CNTNAP2: variants seen among roughly 807,000 people sequenced by gnomAD.
CNTNAP2 encodes contactin-associated protein-like 2.
CNTNAP2 carries 98 observed loss-of-function variants against 155.2 expected under a neutral mutation model. The observed-to-expected ratio is 0.63, with a 90% confidence interval of 0.54 to 0.75. The LOEUF (loss-of-function observed/expected upper bound fraction) is 0.75. Among genes scored for constraint, CNTNAP2 ranks in the 30% least tolerant of loss-of-function variants. The pLI, the probability that CNTNAP2 is intolerant of heterozygous loss-of-function variation, is 0.00. For missense variants in CNTNAP2, 1,727 were observed against 1,688.1 expected (o/e 1.02, Z -0.40); for synonymous variants, 651 against 631.2 (o/e 1.03, Z -0.47).
chr7:147,383,714 C>A (rs2059089689), intron 9 of CNTNAP2, among the ~76,000 whole-genome samples: 1 of 152,056 alleles, frequency 6.6e-6, no homozygotes, highest in Non-Finnish European at 1.5e-5. Context: ...TGCAGCAAAC[C>A]ACCATGGCAC....
At chr7:147,854,955 T>A in intron 13 of CNTNAP2, among the ~76,000 whole-genome samples, 1 of 152,178 alleles carries the variant, frequency 6.6e-6, no homozygotes, top group East Asian at 1.9e-4. Context: ...AGAAAGAGAA[T>A]ATAAAATAGC....
chr7:147,564,915 G>A (rs1195250036), intron 12 of CNTNAP2, among the ~76,000 whole-genome samples: 1 of 152,098 alleles, frequency 6.6e-6, no homozygotes, highest in Non-Finnish European at 1.5e-5. Flanking sequence ...TTGCCTTACA[G>A]GCCAGCAGGC....
intron 14 of CNTNAP2, among the ~76,000 whole-genome samples, chr7:147,905,410 A>C (rs887001157): frequency 1.3e-5 from 2 of 152,240 alleles, no homozygotes; most frequent in African/African-American, 4.8e-5. Context: ...CCTGCACCTA[A>C]GTGAACTTCA....
chr7:147,072,143 G>C, intron 4 of CNTNAP2, among the ~76,000 whole-genome samples: 1 of 152,110 alleles, frequency 6.6e-6, no homozygotes, highest in East Asian at 1.9e-4. Flanking sequence ...TGGAAAGTAG[G>C]TGAAGGTAGG....
At chr7:147,649,123 G>A (rs978993945) in intron 13 of CNTNAP2, among the ~76,000 whole-genome samples, 5 of 152,104 alleles carry the variant, frequency 3.3e-5, no homozygotes, top group Admixed American at 2.0e-4. Context: ...AGGGTAGCTC[G>A]AGTTGTACTA....
At chr7:147,732,607 G>A (rs531336472) in intron 13 of CNTNAP2, among the ~76,000 whole-genome samples, 178 of 147,042 alleles carry the variant, frequency 1.2e-3, no homozygotes, top group African/African-American at 3.5e-3. Context: ...CTGAGGAATC[G>A]CCACACTGAC....
chr7:146,318,066 G>A (rs1057174849), intron 1 of CNTNAP2, among the ~76,000 whole-genome samples: 8 of 151,670 alleles, frequency 5.3e-5, no homozygotes, highest in Non-Finnish European at 1.0e-4. Flanking sequence ...GCTTGAACCC[G>A]GTAGGTGGAT....
intron 13 of CNTNAP2, among the ~76,000 whole-genome samples, chr7:147,714,390 T>C (rs1246825554): frequency 6.6e-6 from 1 of 151,542 alleles, no homozygotes; most frequent in East Asian, 1.9e-4. Context: ...GCAAGGGAAG[T>C]ATAGTTGTGG....
At chr7:146,254,162 C>A (rs1427018663) in intron 1 of CNTNAP2, among the ~76,000 whole-genome samples, 1 of 126,242 alleles carries the variant, frequency 7.9e-6, no homozygotes, top group Non-Finnish European at 1.6e-5. Flanking sequence ...CACACACACA[C>A]AAGCAAACAC....
At chr7:146,938,082 A>G (rs1293732338) in intron 3 of CNTNAP2, among the ~76,000 whole-genome samples, 1 of 152,156 alleles carries the variant, frequency 6.6e-6, no homozygotes, top group East Asian at 1.9e-4. Context: ...TGACAATAAA[A>G]GAGGTAGTTA....
At chr7:147,657,977 C>A (rs1259186848) in intron 13 of CNTNAP2, among the ~76,000 whole-genome samples, 3 of 148,694 alleles carry the variant, frequency 2.0e-5, no homozygotes, top group Admixed American at 7.0e-5. Flanking sequence ...GCCGACCTGG[C>A]CGGGCGCGGT....
chr7:146,730,638 A>G (rs1801509534), intron 1 of CNTNAP2, among the ~76,000 whole-genome samples: 2 of 152,134 alleles, frequency 1.3e-5, no homozygotes, highest in Admixed American at 1.3e-4. Flanking sequence ...ACCGCAACAT[A>G]TATATACAAG....
intron 15 of CNTNAP2, among the ~76,000 whole-genome samples, chr7:147,988,016 G>A (rs1292400114): frequency 6.6e-6 from 1 of 152,092 alleles, no homozygotes; most frequent in African/African-American, 2.4e-5. Flanking sequence ...TTTTAGAGAG[G>A]TATGAGACAT....
At chr7:146,762,746 A>G (rs1802125246) in intron 1 of CNTNAP2, among the ~76,000 whole-genome samples, 1 of 152,170 alleles carries the variant, frequency 6.6e-6, no homozygotes. Flanking sequence ...CCTCATAATC[A>G]TGGTGGAAGG....
intron 4 of CNTNAP2, among the ~76,000 whole-genome samples, chr7:147,095,628 C>CT (rs1259935709): frequency 2.0e-4 from 30 of 151,694 alleles, no homozygotes; most frequent in Admixed American, 1.1e-3. Context: ...TTGCTTCTTT[C>CT]TTTTTTTCTT....
At chr7:146,158,526 A>C (rs1584778190) in intron 1 of CNTNAP2, among the ~76,000 whole-genome samples, 1 of 152,338 alleles carries the variant, frequency 6.6e-6, no homozygotes, top group South Asian at 2.1e-4. Context: ...AACTAGAATA[A>C]ACAGTGTAGA....
intron 11 of CNTNAP2, among the ~76,000 whole-genome samples, chr7:147,526,796 CGGTATGTCAAGTATTAAGAG>C (rs1799329985): frequency 1.3e-5 from 2 of 152,014 alleles, no homozygotes; most frequent in African/African-American, 4.8e-5. Flanking sequence ...CCTCTTCCAC[CGGTATGTCAAGTATTAAGAG>C]AAAGAAGAAA....
At chr7:147,259,437 T>C (rs1174815574) in intron 8 of CNTNAP2, among the ~76,000 whole-genome samples, 9 of 152,170 alleles carry the variant, frequency 5.9e-5, no homozygotes, top group African/African-American at 2.2e-4. Context: ...AATATTACTT[T>C]ATATGACAAT....
chr7:148,056,122 C>T (rs746346108), intron 15 of CNTNAP2, among the ~76,000 whole-genome samples: 13 of 152,128 alleles, frequency 8.5e-5, no homozygotes, highest in African/African-American at 1.7e-4. Flanking sequence ...TCTGTTCCCT[C>T]GCAAATTTTA....
Sources: allele counts gnomAD v4.1 joint callset (sites outside exome capture counted in the v4.1 genomes callset), GRCh38; gene constraint gnomAD v4.1.1; transcripts MANE v1.5; gene names NCBI Gene and HGNC (gene_info 2026-07-23, HGNC 2026-07-21).